The following DOCK10 variants were observed in gnomAD, a reference collection of about 807,000 sequenced individuals.
DOCK10 encodes the protein dedicator of cytokinesis protein 10.
Under a neutral mutation model 280.1 loss-of-function variants are expected in DOCK10, and 145 were observed. The observed-to-expected ratio is 0.52, with a 90% CI of 0.45 to 0.59. DOCK10 has a LOEUF of 0.59. DOCK10 is among the 20% of genes least tolerant of loss of function. The pLI is 0.00. For synonymous variants in DOCK10, 915 were observed against 942.2 expected (o/e 0.97, Z 0.53); for missense variants, 2,368 against 2,651.7 (o/e 0.89, Z 2.35).
At chr2:225,040,615 C>CT (rs1477468547) in intron 1 of DOCK10, among the ~76,000 whole-genome samples, 1 of 151,418 alleles carries the variant, frequency 6.6e-6, no homozygotes, top group African/African-American at 2.4e-5. Flanking sequence ...CTAGGAGGAT[C>CT]TACATTTAAA....
At chr2:225,035,591 AC>A in intron 1 of DOCK10, among the ~76,000 whole-genome samples, 1 of 82,804 alleles carries the variant, frequency 1.2e-5, no homozygotes, top group African/African-American at 4.7e-5. Context: ...TATATATAAC[AC>A]TGAATCAGTG....
At chr2:224,815,767 G>A (rs569653554) in intron 30 of DOCK10, among the ~76,000 whole-genome samples, 19 of 152,118 alleles carry the variant, frequency 1.2e-4, no homozygotes, top group South Asian at 6.2e-4. Flanking sequence ...TGGGTGTGGC[G>A]GCTCACACCT....
intron 1 of DOCK10, among the ~76,000 whole-genome samples, chr2:224,941,198 T>A (rs940272826): frequency 9.4e-6 from 1 of 106,946 alleles, no homozygotes; most frequent in Non-Finnish European, 2.2e-5. Flanking sequence ...ATTACTGCTC[T>A]TTTTTTTTTT....
intron 50 of DOCK10, among the ~76,000 whole-genome samples, chr2:224,778,764 C>A (rs1373175695): frequency 2.0e-5 from 3 of 152,090 alleles, no homozygotes; most frequent in African/African-American, 7.2e-5. Flanking sequence ...GACGTGCATC[C>A]CACATAATCT....
At chr2:224,898,231 G>T (rs1412432765) in intron 3 of DOCK10, among the ~76,000 whole-genome samples, 1 of 152,144 alleles carries the variant, frequency 6.6e-6, no homozygotes, top group African/African-American at 2.4e-5. Flanking sequence ...CGAGGGGACG[G>T]GGCTGTTCTG....
intron 3 of DOCK10, among the ~76,000 whole-genome samples, chr2:224,898,159 G>C (rs1700090048): frequency 6.6e-6 from 1 of 152,306 alleles, no homozygotes. Context: ...GCACATCATA[G>C]AAAGGTGGAC....
chr2:224,975,062 A>AT (rs1025983125), intron 1 of DOCK10, among the ~76,000 whole-genome samples: 7 of 151,280 alleles, frequency 4.6e-5, no homozygotes, highest in African/African-American at 1.7e-4. Context: ...GACACTGTGT[A>AT]TTTTTTCTTT....
intron 3 of DOCK10, among the ~76,000 whole-genome samples, chr2:224,915,480 A>G (rs1232775532): frequency 6.6e-6 from 1 of 152,184 alleles, no homozygotes; most frequent in Non-Finnish European, 1.5e-5. Context: ...GGAATTGGGA[A>G]AAAAAAGACC....
chr2:224,888,457 CATGT>C (rs1479997099), intron 4 of DOCK10, among the ~76,000 whole-genome samples: 1 of 150,218 alleles, frequency 6.7e-6, no homozygotes, highest in Admixed American at 6.6e-5. Flanking sequence ...AATATACATG[CATGT>C]ATGTATATAT....
intron 1 of DOCK10, among the ~76,000 whole-genome samples, chr2:224,994,645 A>C (rs754761536): frequency 3.9e-5 from 6 of 152,216 alleles, no homozygotes; most frequent in Non-Finnish European, 2.9e-5. Flanking sequence ...CCTTGGAAAG[A>C]GGTCACTGGT....
At chr2:224,889,082 G>A (rs1403173927) in intron 4 of DOCK10, among the ~76,000 whole-genome samples, 1 of 152,192 alleles carries the variant, frequency 6.6e-6, no homozygotes, top group East Asian at 1.9e-4. Flanking sequence ...AACGGTATTT[G>A]TTTTAAGATT....
intron 1 of DOCK10, among the ~76,000 whole-genome samples, chr2:224,964,341 C>G (rs1704611891): frequency 6.6e-6 from 1 of 152,102 alleles, no homozygotes; most frequent in South Asian, 2.1e-4. Context: ...TAACAAACCT[C>G]TTTGAAAGAG....
At chr2:224,876,780 CT>C (rs1698657099) in intron 7 of DOCK10, among the ~76,000 whole-genome samples, 4 of 152,238 alleles carry the variant, frequency 2.6e-5, no homozygotes, top group African/African-American at 9.6e-5. Flanking sequence ...GTGTGGCTGC[CT>C]TTTTTCGATC....
intron 1 of DOCK10, among the ~76,000 whole-genome samples, chr2:224,989,808 C>A (rs1178573482): frequency 6.6e-6 from 1 of 152,156 alleles, no homozygotes; most frequent in African/African-American, 2.4e-5. Context: ...CATCTCTGCC[C>A]CTCCTACTGC....
At chr2:224,784,975 G>T (rs1691634148) in intron 50 of DOCK10, among the ~76,000 whole-genome samples, 1 of 152,156 alleles carries the variant, frequency 6.6e-6, no homozygotes, top group African/African-American at 2.4e-5. Flanking sequence ...TGACCCAGAA[G>T]CACATCTTTT....
chr2:224,898,490 A>T (rs1396566843), intron 3 of DOCK10, among the ~76,000 whole-genome samples: 5 of 152,240 alleles, frequency 3.3e-5, no homozygotes, highest in African/African-American at 1.2e-4. Context: ...TGGATGGGGA[A>T]TTTGAGCAAA....
intron 21 of DOCK10, 35 bp downstream of exon 21, chr2:224,845,168 T>C (rs189544864): frequency 1.3e-6 from 2 of 1,547,820 alleles, no homozygotes; most frequent in African/African-American, 1.4e-5. Flanking sequence ...GCTGGTGTGC[T>C]TTTTTAAAAT....
At chr2:224,953,816 A>C (rs1703894699) in intron 1 of DOCK10, among the ~76,000 whole-genome samples, 1 of 152,206 alleles carries the variant, frequency 6.6e-6, no homozygotes, top group Non-Finnish European at 1.5e-5. Context: ...AGTATTTAGA[A>C]ATTTCTTGGA....
At chr2:224,903,671 C>T (rs943188128) in intron 3 of DOCK10, among the ~76,000 whole-genome samples, 5 of 152,114 alleles carry the variant, frequency 3.3e-5, no homozygotes, top group African/African-American at 1.2e-4. Flanking sequence ...AAAACTGGGT[C>T]ATTTTTCAGT....
Sources: allele counts gnomAD v4.1 joint callset (sites outside exome capture counted in the v4.1 genomes callset), GRCh38; gene constraint gnomAD v4.1.1; transcripts MANE v1.5; gene names NCBI Gene and HGNC (gene_info 2026-07-23, HGNC 2026-07-21).